The following NXPH1 variants were observed in gnomAD, a reference collection of about 807,000 sequenced individuals.
NXPH1 encodes the protein neurexophilin-1.
Under a neutral mutation model 23.7 loss-of-function variants are expected in NXPH1, and 5 were observed. The ratio of observed to expected loss-of-function variants is 0.21; its 90% CI spans 0.11 to 0.44. The LOEUF (loss-of-function observed/expected upper bound fraction) is 0.44, where lower values mean the gene tolerates loss of function less well. Among genes scored for constraint, NXPH1 ranks in the 20% least tolerant of loss-of-function variants. NXPH1 has a pLI of 0.99. For missense variants in NXPH1, 324 were observed against 321.6 expected, an observed-to-expected ratio of 1.01 and a Z score of -0.06; for synonymous variants, 144 against 122.2, an observed-to-expected ratio of 1.18 and a Z score of -1.18.
At chr7:8,663,363 C>T (rs1820709658) in intron 2 of NXPH1, among the ~76,000 whole-genome samples, 1 of 152,054 alleles carries the variant, frequency 6.6e-6, no homozygotes, top group Admixed American at 6.6e-5. Flanking sequence ...ATCATCCTTT[C>T]TGGTCTCACG....
chr7:8,518,662 A>T (rs1817724455), intron 2 of NXPH1, among the ~76,000 whole-genome samples: 1 of 152,002 alleles, frequency 6.6e-6, no homozygotes, highest in Non-Finnish European at 1.5e-5. Flanking sequence ...AATTAAAAAA[A>T]AATTGTAGAG....
At chr7:8,673,376 T>C (rs1820898912) in intron 2 of NXPH1, among the ~76,000 whole-genome samples, 1 of 152,188 alleles carries the variant, frequency 6.6e-6, no homozygotes, top group African/African-American at 2.4e-5. Context: ...GATGGATACC[T>C]CTGGTAATTT....
intron 2 of NXPH1, among the ~76,000 whole-genome samples, chr7:8,485,433 C>T (rs919358153): frequency 2.0e-5 from 3 of 152,106 alleles, no homozygotes; most frequent in Non-Finnish European, 4.4e-5. Flanking sequence ...TAAATAAAAA[C>T]ATGTCAACAC....
At chr7:8,440,142 G>A (rs984973146) in intron 2 of NXPH1, among the ~76,000 whole-genome samples, 4 of 152,176 alleles carry the variant, frequency 2.6e-5, no homozygotes, top group Non-Finnish European at 4.4e-5. Flanking sequence ...TACCCCAGAA[G>A]CACAGCCTTA....
intron 2 of NXPH1, among the ~76,000 whole-genome samples, chr7:8,691,566 C>T (rs1418671806): frequency 6.6e-6 from 1 of 152,038 alleles, no homozygotes; most frequent in East Asian, 1.9e-4. Flanking sequence ...ATATTTTTTG[C>T]TACCAAATAC....
At chr7:8,583,977 T>C (rs555911414) in intron 2 of NXPH1, among the ~76,000 whole-genome samples, 145 of 152,270 alleles carry the variant, frequency 9.5e-4, no homozygotes, top group African/African-American at 3.4e-3. Context: ...TCACAGAAAA[T>C]TTAACATGGC....
intron 2 of NXPH1, among the ~76,000 whole-genome samples, chr7:8,688,415 T>C (rs1022064987): frequency 6.6e-6 from 1 of 152,156 alleles, no homozygotes; most frequent in Admixed American, 6.6e-5. Context: ...GTGGTTCTTA[T>C]TTTTTTCTGT....
chr7:8,730,122 G>A (rs1470051543), intron 2 of NXPH1, among the ~76,000 whole-genome samples: 3 of 150,466 alleles, frequency 2.0e-5, no homozygotes, highest in African/African-American at 4.9e-5. Flanking sequence ...TTTGATCTTT[G>A]TTGGTTTAAA....
intron 2 of NXPH1, among the ~76,000 whole-genome samples, chr7:8,717,420 C>A (rs1779895257): frequency 6.6e-6 from 1 of 151,986 alleles, no homozygotes; most frequent in African/African-American, 2.4e-5. Context: ...GTGAGTCAAC[C>A]TCTGCAAAAT....
At chr7:8,682,805 G>A (rs1821077910) in intron 2 of NXPH1, among the ~76,000 whole-genome samples, 1 of 152,154 alleles carries the variant, frequency 6.6e-6, no homozygotes, top group African/African-American at 2.4e-5. Flanking sequence ...CCATTTAAAG[G>A]AATGCACACA....
At chr7:8,478,141 G>A (rs982614563) in intron 2 of NXPH1, among the ~76,000 whole-genome samples, 4 of 152,068 alleles carry the variant, frequency 2.6e-5, no homozygotes, top group African/African-American at 9.7e-5. Flanking sequence ...TACCTTGCAT[G>A]AGAACTTGCA....
chr7:8,616,132 A>G (rs974074607), intron 2 of NXPH1, among the ~76,000 whole-genome samples: 1 of 151,958 alleles, frequency 6.6e-6, no homozygotes, highest in African/African-American at 2.4e-5. Context: ...CCCCTATGTG[A>G]TTGGTCTCCT....
intron 2 of NXPH1, among the ~76,000 whole-genome samples, chr7:8,730,940 C>T (rs1344745579): frequency 2.0e-5 from 3 of 149,892 alleles, no homozygotes; most frequent in Non-Finnish European, 4.4e-5. Flanking sequence ...GAGTGTTTTC[C>T]AACTTGGTTC....
chr7:8,511,262 T>C (rs572020154), intron 2 of NXPH1, among the ~76,000 whole-genome samples: 21 of 152,254 alleles, frequency 1.4e-4, no homozygotes. Context: ...GGCTTTGTGT[T>C]GGTGACTTTC....
intron 2 of NXPH1, among the ~76,000 whole-genome samples, chr7:8,643,856 A>G (rs1820355108): frequency 6.6e-6 from 1 of 152,198 alleles, no homozygotes; most frequent in Non-Finnish European, 1.5e-5. Context: ...TATAAAATTT[A>G]AAACTATGTG....
In NXPH1 at chr7:8,558,278, A is replaced by T. The variant is rs78186684; in HGVS notation, c.54+122511A>T. ...TATTTTATTTTATTTTTTGGCAAAC[A>T]TTAACAAGTCTTTTTGGGAGGTGGG... On this transcript the variant is annotated intron_variant, in intron 2 of 2. Coordinates refer to ENST00000405863, the MANE Select transcript of NXPH1 (RefSeq NM_152745.3). Among the ~76,000 whole-genome samples the T allele has an allele frequency of 9.6e-3, 1,458 of 151,674 alleles. 13 individuals are homozygous for T. The highest frequency in any genetic ancestry group is 0.016 in the Non-Finnish European group (1,071 of 67,726).
chr7:8,483,311 C>G (rs1223888427), intron 2 of NXPH1, among the ~76,000 whole-genome samples: 1 of 152,032 alleles, frequency 6.6e-6, no homozygotes, highest in Non-Finnish European at 1.5e-5. Flanking sequence ...GCTCTTAGCA[C>G]TCAAAACTAA....
intron 2 of NXPH1, among the ~76,000 whole-genome samples, chr7:8,590,984 T>C (rs1819082816): frequency 6.6e-6 from 1 of 152,048 alleles, no homozygotes; most frequent in South Asian, 2.1e-4. Context: ...GTGTACACAA[T>C]AGCATGCCAG....
chr7:8,437,225 C>T lies in NXPH1; in HGVS notation c.54+1458C>T, dbSNP rs929535698. On this transcript the variant is annotated intron_variant, in intron 2 of 2. Transcript: ENST00000405863. Reference sequence around the variant, plus strand: ...TACCCGCTGGAACGCAGGCGGAATGCAAAAAGTGTCCTTCCCATTTCCCAT... The same window carrying T: ...TACCCGCTGGAACGCAGGCGGAATGTAAAAAGTGTCCTTCCCATTTCCCAT... Among the ~76,000 whole-genome samples the T allele has an allele frequency of 5.9e-5, 9 of 152,160 alleles. 1 individual carries two copies. Among genetic ancestry groups the T allele is most frequent in the Admixed American group, 3.3e-4 (5 of 15,290 alleles).
Sources: allele counts gnomAD v4.1 joint callset (sites outside exome capture counted in the v4.1 genomes callset), GRCh38; gene constraint gnomAD v4.1.1; transcripts MANE v1.5; gene names NCBI Gene and HGNC (gene_info 2026-07-23, HGNC 2026-07-21).